Variants in RBFOX1 observed in about 807,000 individuals in gnomAD.
RBFOX1 encodes the protein RNA binding fox-1 homolog 1.
In RBFOX1, 8 loss-of-function variants were observed where a neutral mutation model predicts 57.7. The ratio of observed to expected loss-of-function variants is 0.14; its 90% confidence interval spans 0.08 to 0.25. The LOEUF (loss-of-function observed/expected upper bound fraction) is 0.25. Ranked by LOEUF, RBFOX1 falls within the 10% of genes least tolerant of loss-of-function variation. RBFOX1 has a pLI of 1.00. For synonymous variants in RBFOX1, 326 were observed against 222.4 expected, an observed-to-expected ratio of 1.47 and a Z score of -4.15; for missense variants, 611 against 548.5, an observed-to-expected ratio of 1.11 and a Z score of -1.14.
intron 4 of RBFOX1, among the ~76,000 whole-genome samples, chr16:7,169,610 A>G (rs1038364661): frequency 1.3e-5 from 2 of 152,248 alleles, no homozygotes; most frequent in African/African-American, 4.8e-5. Context: ...GTGCATTATC[A>G]GTCCCATTTA....
At chr16:6,181,880 C>T (rs562130341) in intron 1 of RBFOX1, among the ~76,000 whole-genome samples, 4 of 151,990 alleles carry the variant, frequency 2.6e-5, no homozygotes, top group African/African-American at 9.6e-5. Flanking sequence ...AGGTTCCTTC[C>T]AGCCGTGGCA....
chr16:7,531,251 C>G (rs2079994774), intron 5 of RBFOX1, among the ~76,000 whole-genome samples: 1 of 152,050 alleles, frequency 6.6e-6, no homozygotes, highest in African/African-American at 2.4e-5. Flanking sequence ...TGAGGAACAT[C>G]AAATAGAAAC....
At chr16:5,886,091 C>G (rs866146468) in intron 4 of RBFOX1, among the ~76,000 whole-genome samples, 2 of 152,200 alleles carry the variant, frequency 1.3e-5, no homozygotes, top group South Asian at 2.1e-4. Flanking sequence ...TCCCCTTTAG[C>G]CTTCTGCCAT....
At chr16:5,520,838 G>C (rs2043983897) in intron 2 of RBFOX1, among the ~76,000 whole-genome samples, 1 of 152,196 alleles carries the variant, frequency 6.6e-6, no homozygotes, top group Admixed American at 6.5e-5. Flanking sequence ...TATGTGCTTA[G>C]ACTTGGCCTC....
chr16:6,077,718 G>A (rs28626124), intron 1 of RBFOX1, among the ~76,000 whole-genome samples: 2 of 71,980 alleles, frequency 2.8e-5, no homozygotes, highest in Admixed American at 1.4e-4. Context: ...ATTCATTTAT[G>A]TATTTATTTA....
intron 4 of RBFOX1, among the ~76,000 whole-genome samples, chr16:7,320,435 TC>T (rs1568194418): frequency 6.6e-6 from 1 of 152,204 alleles, no homozygotes; most frequent in African/African-American, 2.4e-5. Flanking sequence ...TGCATAGTAT[TC>T]CATGGTGGGT....
chr16:7,705,220 G>A (rs1293385237), intron 14 of RBFOX1, among the ~76,000 whole-genome samples: 2 of 151,392 alleles, frequency 1.3e-5, no homozygotes, highest in Admixed American at 6.6e-5. Context: ...AAGAAAGCCT[G>A]TGTGGGCCGG....
intron 1 of RBFOX1, among the ~76,000 whole-genome samples, chr16:5,344,055 G>A (rs1267234237): frequency 6.6e-6 from 1 of 152,282 alleles, no homozygotes; most frequent in Non-Finnish European, 1.5e-5. Flanking sequence ...GGGTGCAAAT[G>A]TTTATATCAG....
intron 1 of RBFOX1, among the ~76,000 whole-genome samples, chr16:6,229,442 CTG>C (rs2152899646): frequency 6.6e-6 from 1 of 152,190 alleles, no homozygotes; most frequent in South Asian, 2.1e-4. Flanking sequence ...CCCTTTTGTT[CTG>C]TGTGTTTGAA....
intron 4 of RBFOX1, among the ~76,000 whole-genome samples, chr16:7,144,083 T>C (rs983311605): frequency 1.3e-5 from 2 of 152,206 alleles, no homozygotes; most frequent in Non-Finnish European, 1.5e-5. Context: ...GCTTTTTCCC[T>C]TGGGGGAAAA....
chr16:5,360,869 A>G (rs1218596665), intron 1 of RBFOX1, among the ~76,000 whole-genome samples: 2 of 152,296 alleles, frequency 1.3e-5, no homozygotes, highest in African/African-American at 2.4e-5. Flanking sequence ...CTGATCTTAT[A>G]GCATGAACCT....
rs538431720 is a variant in RBFOX1, at chr16:5,526,893, C to T, written c.258+59639C>T. 1.5e-4 allele frequency among the ~76,000 whole-genome samples: 23 copies of T among 152,278 alleles called. No homozygotes were observed. In the East Asian group the frequency reaches 1.5e-3, roughly 10 times the overall value. ...AATCTACTGCTGGCTGTTTGTGTGACCTTGGGCACATTTGCTCGCCTCTCT... is the reference window on the plus strand; with the variant it reads ...AATCTACTGCTGGCTGTTTGTGTGATCTTGGGCACATTTGCTCGCCTCTCT... On this transcript the variant is annotated intron_variant, in intron 2 of 2. Coordinates refer to the RBFOX1 transcript ENST00000585867.
chr16:7,340,945 G>A (rs1020503774), intron 4 of RBFOX1, among the ~76,000 whole-genome samples: 5 of 152,208 alleles, frequency 3.3e-5, no homozygotes, highest in Admixed American at 2.6e-4. Flanking sequence ...TAATACGTTG[G>A]CACAGGGCAG....
intron 3 of RBFOX1, among the ~76,000 whole-genome samples, chr16:5,790,114 A>G (rs2054639767): frequency 2.0e-5 from 3 of 152,204 alleles, no homozygotes; most frequent in African/African-American, 7.2e-5. Flanking sequence ...CATCTTCAGC[A>G]TTTGACCTCC....
intron 3 of RBFOX1, among the ~76,000 whole-genome samples, chr16:6,875,402 G>C (rs2061659048): frequency 6.6e-6 from 1 of 152,142 alleles, no homozygotes; most frequent in African/African-American, 2.4e-5. Flanking sequence ...GCTGGTAGTG[G>C]TTTTTGAGGT....
intron 3 of RBFOX1, among the ~76,000 whole-genome samples, chr16:6,668,691 G>A (rs1364173312): frequency 6.6e-6 from 1 of 152,078 alleles, no homozygotes; most frequent in Non-Finnish European, 1.5e-5. Flanking sequence ...AGTGTGATTT[G>A]TCTATGATGA....
At chr16:5,691,281 A>ATT (rs2050671174) in intron 3 of RBFOX1, among the ~76,000 whole-genome samples, 1 of 152,212 alleles carries the variant, frequency 6.6e-6, no homozygotes, top group African/African-American at 2.4e-5. Flanking sequence ...GTCATGAAGC[A>ATT]GAAACATTGT....
At chr16:6,703,380 C>A (rs941774279) in intron 3 of RBFOX1, among the ~76,000 whole-genome samples, 1 of 151,880 alleles carries the variant, frequency 6.6e-6, no homozygotes, top group South Asian at 2.1e-4. Flanking sequence ...TTGAGGCCAG[C>A]CTAGGCAACA....
intron 1 of RBFOX1, among the ~76,000 whole-genome samples, chr16:6,290,995 A>G (rs1249310519): frequency 6.6e-6 from 1 of 152,144 alleles, no homozygotes; most frequent in African/African-American, 2.4e-5. Context: ...TCTTGATGAT[A>G]TGCCAAACAA....
Sources: gnomAD v4.1 joint callset for allele counts (sites outside exome capture counted in the v4.1 genomes callset) on GRCh38, gnomAD v4.1.1 for gene constraint, MANE v1.5 for transcripts, NCBI Gene and HGNC (gene_info 2026-07-23, HGNC 2026-07-21) for gene names.